SCAPER: variants seen among roughly 807,000 people sequenced by gnomAD.
SCAPER encodes S-phase cyclin A associated protein in the ER.
SCAPER carries 98 observed loss-of-function variants against 182.2 expected under a neutral mutation model. The ratio of observed to expected loss-of-function variants is 0.54; its 90% CI spans 0.46 to 0.64. The LOEUF (loss-of-function observed/expected upper bound fraction) is 0.64, where lower values mean the gene tolerates loss of function less well. Ranked by LOEUF, SCAPER falls within the 30% of genes least tolerant of loss-of-function variation. The pLI, the probability that SCAPER is intolerant of heterozygous loss-of-function variation, is 0.00. For missense variants in SCAPER, 1,432 were observed against 1,690.0 expected (o/e 0.85, Z 2.68); for synonymous variants, 605 against 564.6 (o/e 1.07, Z -1.01).
chr15:76,685,832 A>C lies in SCAPER; in HGVS notation c.2508+15926T>G, dbSNP rs965353093. On this transcript the variant is annotated intron_variant, in intron 20 of 31. Coordinates refer to ENST00000563290, the MANE Select transcript of SCAPER (RefSeq NM_020843.4). ...AGACAAACGAGGATAGGGAATCCAGAAACAGTTCATGCATGCATGAAATGT... is the reference window on the plus strand; with the variant it reads ...AGACAAACGAGGATAGGGAATCCAGCAACAGTTCATGCATGCATGAAATGT... Among the ~76,000 whole-genome samples, 17 of 152,122 alleles carry C rather than the reference A, an allele frequency of 1.1e-4. 1 individual carries two copies. The highest frequency in any genetic ancestry group is 3.6e-4 in the African/African-American group (15 of 41,462).
chr15:76,525,466 A>G (rs2043129594), intron 23 of SCAPER, among the ~76,000 whole-genome samples: 1 of 152,146 alleles, frequency 6.6e-6, no homozygotes, highest in African/African-American at 2.4e-5. Context: ...GGTTGAGCCC[A>G]TCACCCAGGT....
intron 21 of SCAPER, among the ~76,000 whole-genome samples, chr15:76,633,502 A>G (rs2053329858): frequency 6.6e-6 from 1 of 152,062 alleles, no homozygotes; most frequent in Non-Finnish European, 1.5e-5. Context: ...GGCTGCCCTG[A>G]CTCACCAGAG....
At chr15:76,353,852 G>T in intron 30 of SCAPER, 97 bp downstream of exon 30, 1 of 1,035,708 alleles carries the variant, frequency 9.7e-7, no homozygotes, top group Non-Finnish European at 1.3e-6. Flanking sequence ...TTAAAAGGTA[G>T]TATGGAAGGC....
intron 21 of SCAPER, among the ~76,000 whole-genome samples, chr15:76,626,607 A>T (rs537357650): frequency 6.6e-6 from 1 of 152,144 alleles, no homozygotes; most frequent in South Asian, 2.1e-4. Flanking sequence ...ATCCCAGCTA[A>T]TTAGGTGGCT....
intron 21 of SCAPER, among the ~76,000 whole-genome samples, chr15:76,624,716 T>C (rs956602567): frequency 6.6e-6 from 1 of 152,160 alleles, no homozygotes; most frequent in African/African-American, 2.4e-5. Flanking sequence ...CAAGCCCCAG[T>C]AGTGGCAGCA....
chr15:76,384,695 G>T (rs1158401664), intron 27 of SCAPER, among the ~76,000 whole-genome samples: 2 of 152,196 alleles, frequency 1.3e-5, no homozygotes, highest in African/African-American at 4.8e-5. Flanking sequence ...ATGTTGAAGA[G>T]AGCCCACAGA....
chr15:76,897,392 G>A (rs930350167), intron 1 of SCAPER, among the ~76,000 whole-genome samples: 15 of 150,840 alleles, frequency 9.9e-5, no homozygotes, highest in South Asian at 2.1e-4. Context: ...CCTCCAAAGA[G>A]GAAAAAAAAA....
chr15:76,357,247 A>G (rs1271768336), intron 29 of SCAPER, among the ~76,000 whole-genome samples: 3 of 151,558 alleles, frequency 2.0e-5, no homozygotes, highest in Admixed American at 1.3e-4. Flanking sequence ...CACAAAGTGT[A>G]TACACCGGTG....
chr15:76,485,282 C>T (rs2051515420), intron 24 of SCAPER, among the ~76,000 whole-genome samples: 1 of 152,098 alleles, frequency 6.6e-6, no homozygotes, highest in Non-Finnish European at 1.5e-5. Context: ...CTCCCATTCA[C>T]AACTGCCACA....
chr15:76,391,263 T>C (rs1407589470), intron 27 of SCAPER, among the ~76,000 whole-genome samples: 1 of 152,218 alleles, frequency 6.6e-6, no homozygotes, highest in Non-Finnish European at 1.5e-5. Flanking sequence ...TCCTGACCAC[T>C]TCGTCTGCAG....
intron 15 of SCAPER, among the ~76,000 whole-genome samples, chr15:76,742,466 TAAAAAAAA>T (rs55751202): frequency 8.1e-5 from 3 of 37,026 alleles, no homozygotes; most frequent in African/African-American, 1.0e-4. Flanking sequence ...TGTCTTTTCC[TAAAAAAAA>T]AAAAAAAAAA....
intron 5 of SCAPER, among the ~76,000 whole-genome samples, chr15:76,807,251 C>A (rs919376568): frequency 1.3e-5 from 2 of 152,162 alleles, no homozygotes; most frequent in Non-Finnish European, 2.9e-5. Flanking sequence ...ATGTTTTTAT[C>A]ATGAAATGGT....
intron 8 of SCAPER, among the ~76,000 whole-genome samples, chr15:76,776,135 T>C (rs3099147): frequency 6.6e-6 from 1 of 152,134 alleles, no homozygotes; most frequent in Non-Finnish European, 1.5e-5. Flanking sequence ...GTGAGTTCCA[T>C]GGGTTTCCTT....
At chr15:76,731,551 T>C (rs1436921335) in intron 16 of SCAPER, among the ~76,000 whole-genome samples, 1 of 152,224 alleles carries the variant, frequency 6.6e-6, no homozygotes, top group Non-Finnish European at 1.5e-5. Flanking sequence ...AAATTCTGTA[T>C]TAGGTTAGGA....
At chr15:76,574,677 T>C (rs2047693957) in intron 22 of SCAPER, among the ~76,000 whole-genome samples, 1 of 152,202 alleles carries the variant, frequency 6.6e-6, no homozygotes, top group Non-Finnish European at 1.5e-5. Flanking sequence ...TCGAATATTA[T>C]TAGCTTTATA....
In SCAPER at chr15:76,826,585, C is replaced by T. The variant is rs1029914850; in HGVS notation, c.393+15149G>A. Among the ~76,000 whole-genome samples, 8 of 132,086 alleles carry T rather than the reference C, an allele frequency of 6.1e-5. No homozygotes were observed. The East Asian group carries it at 6.8e-4, about 11-fold the overall frequency. The allele number at this position is 132,086 out of a possible 152,430, so 86.7% of individuals were successfully genotyped here. A position where few individuals can be genotyped will look rare whatever the true frequency, so the allele number is the denominator to read the frequency against. ...AATAATAATTAAAAAAAAAAAAAAA[C>T]GGAATTATCTCAATAAAAAGTGCAA... On this transcript the variant is annotated intron_variant, in intron 5 of 31. Coordinates refer to ENST00000563290, the MANE Select transcript of SCAPER (RefSeq NM_020843.4).
At chr15:76,376,036 A>C (rs2042543140) in intron 29 of SCAPER, 126 bp downstream of exon 29, 3 of 1,159,646 alleles carry the variant, frequency 2.6e-6, no homozygotes, top group South Asian at 3.3e-5. Context: ...ATATTCCTGC[A>C]GTCTGGTTAA....
At chr15:76,793,911 A>G (rs1333642984) in intron 8 of SCAPER, among the ~76,000 whole-genome samples, 2 of 152,226 alleles carry the variant, frequency 1.3e-5, no homozygotes, top group Non-Finnish European at 2.9e-5. Context: ...ACAGCTCCAC[A>G]GCGTCAGAAT....
intron 14 of SCAPER, among the ~76,000 whole-genome samples, chr15:76,762,867 G>C (rs1376004350): frequency 6.6e-6 from 1 of 152,088 alleles, no homozygotes; most frequent in Non-Finnish European, 1.5e-5. Context: ...ATGTCGTCCA[G>C]GCTGGTGTGA....
Sources: allele counts gnomAD v4.1 joint callset (sites outside exome capture counted in the v4.1 genomes callset), GRCh38; gene constraint gnomAD v4.1.1; transcripts MANE v1.5; gene names NCBI Gene and HGNC (gene_info 2026-07-23, HGNC 2026-07-21).